The following RGL1 variants were observed in gnomAD, a reference collection of about 807,000 sequenced individuals.
The protein encoded by RGL1 is ral guanine nucleotide dissociation stimulator-like 1.
RGL1 carries 24 observed loss-of-function variants against 95.2 expected under a neutral mutation model. The observed-to-expected ratio is 0.25, with a 90% CI of 0.18 to 0.35. The LOEUF (loss-of-function observed/expected upper bound fraction) is 0.35, where lower values mean the gene tolerates loss of function less well. Ranked by LOEUF, RGL1 falls within the 10% of genes least tolerant of loss-of-function variation. The pLI is 1.00. For missense variants in RGL1, 715 were observed against 936.3 expected, an observed-to-expected ratio of 0.76 and a Z score of 3.08; for synonymous variants, 329 against 344.9, an observed-to-expected ratio of 0.95 and a Z score of 0.51.
intron 1 of RGL1, among the ~76,000 whole-genome samples, chr1:183,663,720 C>T (rs1212683781): frequency 0.012 from 1,769 of 151,462 alleles, 40 homozygotes; most frequent in African/African-American, 0.042. Flanking sequence ...TGGGTATATA[C>T]CCAAAGGACT....
intron 2 of RGL1, among the ~76,000 whole-genome samples, chr1:183,767,902 G>A (rs532136618): frequency 6.6e-6 from 1 of 152,202 alleles, no homozygotes; most frequent in South Asian, 2.1e-4. Context: ...GCAGTGAGCT[G>A]AGACAGTGCC....
At chr1:183,737,869 G>A (rs1223254337) in intron 1 of RGL1, among the ~76,000 whole-genome samples, 1 of 152,048 alleles carries the variant, frequency 6.6e-6, no homozygotes, top group Non-Finnish European at 1.5e-5. Flanking sequence ...CCCAACTTAA[G>A]GCTGATTTTA....
chr1:183,858,928 A>G (rs1292082614), intron 3 of RGL1, among the ~76,000 whole-genome samples: 1 of 152,248 alleles, frequency 6.6e-6, no homozygotes, highest in East Asian at 1.9e-4. Context: ...AGCATGTTTC[A>G]TAAGATTTTG....
chr1:183,864,280 A>G (rs1665693541), intron 3 of RGL1, among the ~76,000 whole-genome samples: 1 of 152,244 alleles, frequency 6.6e-6, no homozygotes, highest in African/African-American at 2.4e-5. Flanking sequence ...TTTCCACAAT[A>G]ACTGGAGTGG....
In RGL1 at chr1:183,912,130, G is replaced by A. The variant is rs780516328; in HGVS notation, c.1611G>A (p.Glu537=). ...DMITSPTPTK[E]QPKSTASGSS... is the part of the protein sequence containing the mutation. Reference sequence around the variant, plus strand: ...TCACCAGTCCCACTCCCACCAAAGAGCAGCCCAAGTCCACTGCCAGCGGGA... The same window carrying A: ...TCACCAGTCCCACTCCCACCAAAGAACAGCCCAAGTCCACTGCCAGCGGGA... The change falls in exon 15 of 18, where the codon GAG becomes GAA. Residue 537 remains glutamate (E), a synonymous_variant. Coordinates refer to ENST00000360851, the MANE Select transcript of RGL1 (RefSeq NM_001297671.3). The A allele has an allele frequency of 3.1e-6, 5 of 1,613,894 alleles. No homozygotes were observed. Among genetic ancestry groups the A allele is most frequent in the African/African-American group, 2.7e-5 (2 of 74,876 alleles).
chr1:183,838,677 A>G (rs1276216334), intron 2 of RGL1, among the ~76,000 whole-genome samples: 4 of 152,220 alleles, frequency 2.6e-5, no homozygotes, highest in Non-Finnish European at 5.9e-5. Context: ...TGACAACACA[A>G]ATACCTTAAC....
intron 1 of RGL1, among the ~76,000 whole-genome samples, chr1:183,805,716 A>T (rs1031849099): frequency 5.3e-5 from 8 of 152,154 alleles, no homozygotes; most frequent in Non-Finnish European, 1.0e-4. Context: ...CTGCCTGATG[A>T]TGTGTTGCTT....
chr1:183,800,971 C>T (rs1269211361), upstream of RGL1, among the ~76,000 whole-genome samples: 2 of 152,126 alleles, frequency 1.3e-5, no homozygotes, highest in Admixed American at 6.5e-5. Flanking sequence ...GCTTTCAGAT[C>T]TTGATTTATT....
intron 1 of RGL1, among the ~76,000 whole-genome samples, chr1:183,719,181 G>T (rs1261022269): frequency 1.3e-5 from 2 of 152,100 alleles, no homozygotes; most frequent in Non-Finnish European, 2.9e-5. Flanking sequence ...TAGCACTTAG[G>T]GGCAAACTAC....
chr1:183,883,762 C>A (rs750725182), intron 5 of RGL1, 24 bp from the exon 6 acceptor site: 7 of 1,613,296 alleles, frequency 4.3e-6, no homozygotes, highest in Non-Finnish European at 5.9e-6. Flanking sequence ...CGCCAAATTA[C>A]TAATCTTTTC....
At chr1:183,791,617 A>C (rs1660444546) in intron 2 of RGL1, among the ~76,000 whole-genome samples, 1 of 152,250 alleles carries the variant, frequency 6.6e-6, no homozygotes. Context: ...GTCATAGAAC[A>C]GAATAACTGG....
intron 2 of RGL1, among the ~76,000 whole-genome samples, chr1:183,829,713 A>G (rs957215238): frequency 1.3e-5 from 2 of 151,936 alleles, no homozygotes; most frequent in African/African-American, 4.8e-5. Flanking sequence ...CCCTTGGTTC[A>G]CTCTCCTTTG....
At chr1:183,852,262 C>G (rs1664866905) in intron 3 of RGL1, among the ~76,000 whole-genome samples, 1 of 152,032 alleles carries the variant, frequency 6.6e-6, no homozygotes, top group South Asian at 2.1e-4. Flanking sequence ...GTTTTTTATT[C>G]TGCTATAATA....
chr1:183,830,641 G>A (rs1186365969), intron 2 of RGL1, among the ~76,000 whole-genome samples: 1 of 151,696 alleles, frequency 6.6e-6, no homozygotes, highest in African/African-American at 2.4e-5. Flanking sequence ...GTTATGTGTA[G>A]CTTGATTCAG....
At chr1:183,893,231 A>G (rs1236997296) in intron 9 of RGL1, among the ~76,000 whole-genome samples, 3 of 152,222 alleles carry the variant, frequency 2.0e-5, no homozygotes, top group African/African-American at 7.2e-5. Context: ...TAAAACATTT[A>G]TAAAATAGTG....
At chr1:183,727,548 A>G (rs1475681831) in intron 1 of RGL1, among the ~76,000 whole-genome samples, 1 of 152,194 alleles carries the variant, frequency 6.6e-6, no homozygotes, top group Non-Finnish European at 1.5e-5. Flanking sequence ...TCAAGTAGAC[A>G]AGGATGGTCA....
chr1:183,854,118 T>G (rs1312065671), intron 3 of RGL1, among the ~76,000 whole-genome samples: 1 of 152,148 alleles, frequency 6.6e-6, no homozygotes, highest in African/African-American at 2.4e-5. Flanking sequence ...GCAAATACAT[T>G]TATATAATTA....
chr1:183,860,587 G>T (rs891582073), intron 3 of RGL1, among the ~76,000 whole-genome samples: 4 of 152,080 alleles, frequency 2.6e-5, no homozygotes, highest in African/African-American at 9.7e-5. Context: ...GATCTGCAGG[G>T]CCCACTTCCT....
chr1:183,805,416 A>G lies in RGL1; in HGVS notation c.27+92A>G, dbSNP rs986177106. The G allele has an allele frequency of 1.3e-5, 14 of 1,109,866 alleles. No homozygotes were observed. The African/African-American group carries it at 2.2e-4, about 17-fold the overall frequency. 68.8% of individuals were successfully genotyped at this position (1,109,866 alleles called of 1,614,324 possible). A position where few individuals can be genotyped will look rare whatever the true frequency, so the allele number is the denominator to read the frequency against. On this transcript the variant is annotated intron_variant, in intron 1 of 17. Coordinates refer to ENST00000360851, the MANE Select transcript of RGL1 (RefSeq NM_001297671.3). ...GCGTGTTTTGGACTCCCTCGGAGTG[A>G]ACGGAGCAATCCGATTCCATACTTG...
Sources: allele counts gnomAD v4.1 joint callset (sites outside exome capture counted in the v4.1 genomes callset), GRCh38; gene constraint gnomAD v4.1.1; transcripts MANE v1.5; gene names NCBI Gene and HGNC (gene_info 2026-07-23, HGNC 2026-07-21).